The following CRYBG1 variants were observed in gnomAD, a reference collection of about 807,000 sequenced individuals.
CRYBG1 encodes beta/gamma crystallin domain-containing protein 1.
In CRYBG1, 139 loss-of-function variants were observed where a neutral mutation model predicts 189.2. That is an observed-to-expected ratio of 0.73 (90% CI 0.64 to 0.85). The LOEUF is 0.85. CRYBG1 is among the 40% of genes least tolerant of loss of function. The pLI is 0.00. For synonymous variants in CRYBG1, 1,023 were observed against 1,017.1 expected (o/e 1.01, Z -0.11); for missense variants, 2,611 against 2,675.8 (o/e 0.98, Z 0.53).
intron 1 of CRYBG1, among the ~76,000 whole-genome samples, chr6:106,441,776 A>C (rs1771571778): frequency 6.6e-6 from 1 of 152,174 alleles, no homozygotes; most frequent in Non-Finnish European, 1.5e-5. Flanking sequence ...ATCACCAGAC[A>C]ACTAGCAGGT....
At chr6:106,363,794 A>G (rs929280469) in intron 1 of CRYBG1, among the ~76,000 whole-genome samples, 1 of 152,198 alleles carries the variant, frequency 6.6e-6, no homozygotes, top group African/African-American at 2.4e-5. Context: ...TGTAATATGG[A>G]GACAATAGGA....
rs1562095152 is a variant in CRYBG1 at position 106,511,737 on chromosome 6, C to T, written c.620C>T (p.Pro207Leu). 5 of 1,535,294 alleles carry T rather than the reference C, an allele frequency of 3.3e-6. No homozygotes were observed. The highest frequency in any genetic ancestry group is 1.2e-5 in the South Asian group (1 of 83,992). The stretch of plus-strand genomic sequence containing the variant: ...GAGAGCGGTGGCCCCGCAGCCCCCC[C>T]TGACGCCGAGCTGTCACCTCGCTGG... ...LPESGGPAAP[P>L]DAELSPRWSS... is the part of the protein sequence containing the mutation. Residue 207 changes from proline (P) to leucine (L), a missense_variant, in exon 3 of 22, where the codon CCT becomes CTT. This residue lies in a region of CRYBG1 where 985 missense variants were observed against 924.4 expected (regional missense o/e 1.07). Transcript: ENST00000633556.
In CRYBG1 at chr6:106,520,760, A is replaced by C; in HGVS notation, c.3552A>C (p.Lys1184Asn). ...ALHLMQNLDTKSKLRPKRASA... is the reference protein window; with the variant it reads ...ALHLMQNLDTNSKLRPKRASA... ...ATTTGATGCAGAACCTTGACACAAA[A>C]TCCAAACTGAGACCCAAACGTGCAT... is the stretch of plus-strand genomic sequence containing the variant. The change falls in exon 4 of 22, where the codon AAA (lysine) becomes AAC (asparagine). Residue 1184 changes from lysine (K) to asparagine (N), a missense_variant. By Grantham distance (94) the Lys-to-Asn change is moderately conservative. Transcript: ENST00000633556. 1 of 1,614,172 alleles carries C rather than the reference A, an allele frequency of 6.2e-7. No individual in the cohort carries two copies. The highest frequency in any genetic ancestry group is 8.5e-7 in the Non-Finnish European group (1 of 1,180,028).
At chr6:106,454,079 C>T (rs1436981357) in intron 2 of CRYBG1, among the ~76,000 whole-genome samples, 2 of 152,186 alleles carry the variant, frequency 1.3e-5, no homozygotes, top group African/African-American at 4.8e-5. Context: ...ATCTCTACAA[C>T]AGAAGAACTG....
intron 17 of CRYBG1, 54 bp from the exon 18 acceptor site, chr6:106,558,432 G>C: frequency 7.0e-7 from 1 of 1,418,664 alleles, no homozygotes; most frequent in Non-Finnish European, 9.6e-7. Context: ...TTTCACATAA[G>C]TTTGAATTAT....
chr6:106,430,183 C>A lies in CRYBG1; in HGVS notation c.174-21511C>A, dbSNP rs113812306. Among the ~76,000 whole-genome samples, 623 of 152,208 alleles carry A rather than the reference C, an allele frequency of 4.1e-3. 4 individuals carry two copies. The highest frequency in any genetic ancestry group is 0.014 in the African/African-American group (580 of 41,528). Reference sequence around the variant, plus strand: ...GGTGGCTCAGGCTTATAACTCCCAGCACTTTGGGAGGCCAAGGCAGAAGGA... The same window carrying A: ...GGTGGCTCAGGCTTATAACTCCCAGAACTTTGGGAGGCCAAGGCAGAAGGA... On this transcript the variant is annotated intron_variant, in intron 1 of 21. Transcript: ENST00000633556.
chr6:106,410,894 G>T (rs145634876), intron 1 of CRYBG1, among the ~76,000 whole-genome samples: 12,285 of 152,210 alleles, frequency 0.081, 638 homozygotes, highest in East Asian at 0.15. Context: ...AGCATTAGGA[G>T]AAATACCTAA....
chr6:106,369,119 C>T (rs1769962318), intron 1 of CRYBG1, among the ~76,000 whole-genome samples: 1 of 152,158 alleles, frequency 6.6e-6, no homozygotes, highest in African/African-American at 2.4e-5. Context: ...TGAAAGCATA[C>T]ATTTTGACAA....
intron 9 of CRYBG1, chr6:106,541,095 C>T (rs1774119782): frequency 5.9e-6 from 2 of 341,248 alleles, no homozygotes; most frequent in Admixed American, 4.2e-5. Flanking sequence ...GTTGCAAAAT[C>T]AAATACCTTC....
At chr6:106,415,391 G>A (rs1771002857) in intron 1 of CRYBG1, among the ~76,000 whole-genome samples, 2 of 152,144 alleles carry the variant, frequency 1.3e-5, no homozygotes, top group Non-Finnish European at 2.9e-5. Context: ...GGGAGGAGAG[G>A]AATTGCAGGA....
chr6:106,436,453 T>A (rs577667312), intron 1 of CRYBG1, among the ~76,000 whole-genome samples: 5 of 152,180 alleles, frequency 3.3e-5, no homozygotes, highest in East Asian at 1.9e-4. Context: ...CGCCGCCACC[T>A]CGCCCTACTG....
chr6:106,525,148 G>A lies in CRYBG1; in HGVS notation c.4261G>A (p.Val1421Ile), dbSNP rs1276907101. ...LSDTMTLRGSVQNKLNPRPGK... is the reference protein window; with the variant it reads ...LSDTMTLRGSIQNKLNPRPGK... Reference sequence around the variant, plus strand: ...CTGATTGCAGACACTTAGAGGAAGTGTCCAAAATAAACTCAATCCCCGACC... The same window carrying A: ...CTGATTGCAGACACTTAGAGGAAGTATCCAAAATAAACTCAATCCCCGACC... Residue 1421 changes from valine to isoleucine, a missense_variant, in exon 5 of 22, where the codon GTC becomes ATC. This residue lies in a region of CRYBG1 where 1,622 missense variants were observed against 1,735.0 expected (regional missense o/e 0.93). Coordinates refer to ENST00000633556, the MANE Select transcript of CRYBG1 (RefSeq NM_001371242.2). 9 of 1,614,094 alleles carry A rather than the reference G, an allele frequency of 5.6e-6. No individual in the cohort carries two copies. Among genetic ancestry groups the A allele is most frequent in the Admixed American group, 3.3e-5 (2 of 60,026 alleles).
intron 2 of CRYBG1, among the ~76,000 whole-genome samples, chr6:106,502,939 A>G (rs1270207135): frequency 6.6e-6 from 1 of 152,226 alleles, no homozygotes. Flanking sequence ...TCAAAATAAC[A>G]TATGCCTCAT....
intron 2 of CRYBG1, among the ~76,000 whole-genome samples, chr6:106,453,668 C>G (rs1180817451): frequency 6.6e-6 from 1 of 152,152 alleles, no homozygotes; most frequent in East Asian, 1.9e-4. Flanking sequence ...CTGCTGAAGT[C>G]CAGGAAAAAA....
At chr6:106,382,805 T>TA (rs1325914143) in intron 1 of CRYBG1, among the ~76,000 whole-genome samples, 1 of 152,234 alleles carries the variant, frequency 6.6e-6, no homozygotes, top group Non-Finnish European at 1.5e-5. Flanking sequence ...TAGCTTTGGA[T>TA]GATAATCCAT....
intron 1 of CRYBG1, among the ~76,000 whole-genome samples, chr6:106,445,292 G>A (rs764214855): frequency 6.6e-6 from 1 of 152,162 alleles, no homozygotes; most frequent in Admixed American, 6.5e-5. Context: ...CTCATCTACT[G>A]AGAATTTAAA....
At chr6:106,539,600 C>A (rs1362480603) in intron 9 of CRYBG1, 71 bp downstream of exon 9, 15 of 1,512,242 alleles carry the variant, frequency 9.9e-6, no homozygotes, top group Non-Finnish European at 1.3e-5. Flanking sequence ...CAGGGTGTGA[C>A]TTTGAAGCAA....
chr6:106,456,205 G>A (rs1421827617), intron 2 of CRYBG1, among the ~76,000 whole-genome samples: 1 of 152,218 alleles, frequency 6.6e-6, no homozygotes, highest in Non-Finnish European at 1.5e-5. Flanking sequence ...CCAGGCTGGA[G>A]TGAAGTGGTG....
intron 2 of CRYBG1, among the ~76,000 whole-genome samples, chr6:106,495,073 T>G (rs1361173555): frequency 1.3e-5 from 2 of 152,242 alleles, no homozygotes; most frequent in East Asian, 3.8e-4. Flanking sequence ...CTCTGTTGTC[T>G]TTTCAGCAAT....
Sources: gnomAD v4.1 joint callset for allele counts (sites outside exome capture counted in the v4.1 genomes callset) on GRCh38, gnomAD v4.1.1 for gene constraint, gnomAD v4.1.1 regional missense constraint, MANE v1.5 for transcripts, NCBI Gene and HGNC (gene_info 2026-07-23, HGNC 2026-07-21) for gene names.